The following MED27 variants were observed in gnomAD, a reference collection of about 807,000 sequenced individuals.
The protein encoded by MED27 is mediator complex subunit 27.
A neutral mutation model predicts 38.2 loss-of-function variants in MED27; 30 were observed. The observed-to-expected ratio is 0.79, with a 90% CI of 0.59 to 1.07. The LOEUF (loss-of-function observed/expected upper bound fraction) is 1.07. Ranked by LOEUF, MED27 falls within the 50% of genes least tolerant of loss-of-function variation. The pLI, the probability that MED27 is intolerant of heterozygous loss-of-function variation, is 0.00. For missense variants in MED27, 289 were observed against 397.5 expected, an observed-to-expected ratio of 0.73 and a Z score of 2.32; for synonymous variants, 122 against 153.5, an observed-to-expected ratio of 0.79 and a Z score of 1.52.
At chr9:131,885,221 G>A (rs4740329) in intron 5 of MED27, among the ~76,000 whole-genome samples, 12,527 of 152,246 alleles carry the variant, frequency 0.082, 1,106 homozygotes, top group East Asian at 0.38. Context: ...CCATGTGACT[G>A]GCCCCATCAC....
At chr9:131,939,014 G>T (rs1380745929) in intron 4 of MED27, among the ~76,000 whole-genome samples, 14 of 152,190 alleles carry the variant, frequency 9.2e-5, no homozygotes, top group African/African-American at 3.4e-4. Flanking sequence ...CGCCTGGCGA[G>T]AGTGTTTTCT....
At chr9:131,867,783 G>A (rs2131453690) in intron 6 of MED27, among the ~76,000 whole-genome samples, 1 of 152,352 alleles carries the variant, frequency 6.6e-6, no homozygotes, top group East Asian at 1.9e-4. Context: ...ATGAGAATGC[G>A]AGGCTGGTGA....
intron 3 of MED27, among the ~76,000 whole-genome samples, chr9:131,966,213 A>C (rs1195823852): frequency 9.3e-5 from 13 of 139,722 alleles, no homozygotes; most frequent in African/African-American, 1.4e-4. Flanking sequence ...AAAAAAAAAA[A>C]AACAAAACAA....
intron 3 of MED27, among the ~76,000 whole-genome samples, chr9:131,979,001 T>C (rs1831673646): frequency 6.6e-6 from 1 of 152,242 alleles, no homozygotes; most frequent in Non-Finnish European, 1.5e-5. Context: ...GCCCTTTATG[T>C]AAAGAAATGA....
intron 2 of MED27, among the ~76,000 whole-genome samples, chr9:132,052,355 T>C (rs1423793893): frequency 6.6e-6 from 1 of 152,252 alleles, no homozygotes; most frequent in East Asian, 1.9e-4. Flanking sequence ...AGTAGTGATC[T>C]ATTAGTTATA....
intron 3 of MED27, among the ~76,000 whole-genome samples, chr9:131,974,579 G>A (rs998929962): frequency 4.6e-5 from 7 of 152,318 alleles, no homozygotes; most frequent in Non-Finnish European, 1.0e-4. Context: ...ACTCAGGCCC[G>A]GAGAGAAATG....
At chr9:131,998,220 T>C (rs544899939) in intron 3 of MED27, among the ~76,000 whole-genome samples, 1 of 150,704 alleles carries the variant, frequency 6.6e-6, no homozygotes, top group Admixed American at 6.6e-5. Context: ...AACAGGGTAG[T>C]GATTCTATAA....
intron 3 of MED27, among the ~76,000 whole-genome samples, chr9:132,007,610 C>T (rs576794562): frequency 6.6e-6 from 1 of 151,994 alleles, no homozygotes; most frequent in East Asian, 1.9e-4. Flanking sequence ...AGGAGAGACA[C>T]GAGGTGGGAG....
chr9:131,961,291 A>G (rs1831209566), intron 3 of MED27, among the ~76,000 whole-genome samples: 1 of 152,236 alleles, frequency 6.6e-6, no homozygotes, highest in South Asian at 2.1e-4. Flanking sequence ...TGCTTGTTTC[A>G]GAGACAGAAG....
chr9:132,073,286 G>A, intron 2 of MED27: 1 of 977,240 alleles, frequency 1.0e-6, no homozygotes, highest in African/African-American at 1.8e-5. Flanking sequence ...TGCCCTCACT[G>A]TACTTCATCA....
At chr9:131,959,948 A>ATTTTAAC in intron 3 of MED27, among the ~76,000 whole-genome samples, 1 of 152,192 alleles carries the variant, frequency 6.6e-6, no homozygotes, top group African/African-American at 2.4e-5. Context: ...CCTGAGGACT[A>ATTTTAAC]AAGATGAGTA....
At chr9:131,900,144 G>A (rs1829910498) in intron 4 of MED27, among the ~76,000 whole-genome samples, 1 of 152,224 alleles carries the variant, frequency 6.6e-6, no homozygotes, top group South Asian at 2.1e-4. Flanking sequence ...GCATCAAGGT[G>A]CACTTGAAGA....
At chr9:131,957,179 C>G (rs752490337) in intron 3 of MED27, among the ~76,000 whole-genome samples, 35 of 152,140 alleles carry the variant, frequency 2.3e-4, no homozygotes, top group Non-Finnish European at 4.6e-4. Flanking sequence ...GAATTCCACT[C>G]CTAGATATTT....
intron 3 of MED27, among the ~76,000 whole-genome samples, chr9:132,010,330 A>T (rs956529581): frequency 1.3e-5 from 2 of 152,252 alleles, no homozygotes; most frequent in Admixed American, 1.3e-4. Context: ...AACCACAATG[A>T]CATACCATCT....
chr9:131,952,527 A>C (rs375827508), intron 3 of MED27, among the ~76,000 whole-genome samples: 1 of 152,214 alleles, frequency 6.6e-6, no homozygotes, highest in African/African-American at 2.4e-5. Context: ...CACCCTCTCC[A>C]GACCCACCCT....
chr9:132,024,014 C>T (rs1832768279), intron 2 of MED27, among the ~76,000 whole-genome samples: 1 of 152,172 alleles, frequency 6.6e-6, no homozygotes, highest in Non-Finnish European at 1.5e-5. Context: ...ACCTGCTTTC[C>T]TTTGTACTTG....
chr9:131,868,751 C>A, intron 6 of MED27: 1 of 985,512 alleles, frequency 1.0e-6, no homozygotes, highest in Non-Finnish European at 1.2e-6. Flanking sequence ...GATAAAGGTG[C>A]AGGCCCAGGG....
chr9:132,009,114 C>T (rs147221988), intron 3 of MED27, among the ~76,000 whole-genome samples: 22 of 152,232 alleles, frequency 1.4e-4, no homozygotes, highest in African/African-American at 4.8e-4. Context: ...CTTGTTTGCT[C>T]CTATCTCTAC....
At chr9:131,989,619 G>C (rs1038343108) in intron 3 of MED27, among the ~76,000 whole-genome samples, 2 of 152,104 alleles carry the variant, frequency 1.3e-5, no homozygotes, top group Non-Finnish European at 2.9e-5. Flanking sequence ...TCACACTGTT[G>C]TGAAACCAGT....
Sources: allele counts gnomAD v4.1 joint callset (sites outside exome capture counted in the v4.1 genomes callset), GRCh38; gene constraint gnomAD v4.1.1; transcripts MANE v1.5; gene names NCBI Gene and HGNC (gene_info 2026-07-23, HGNC 2026-07-21).